TMEM202: variants seen among roughly 807,000 people sequenced by gnomAD.
The protein encoded by TMEM202 is transmembrane protein 202.
TMEM202 carries 25 observed loss-of-function variants against 26.1 expected under a neutral mutation model. The ratio of observed to expected loss-of-function variants is 0.96; its 90% confidence interval spans 0.70 to 1.34. The LOEUF (loss-of-function observed/expected upper bound fraction) is 1.34, where lower values mean the gene tolerates loss of function less well. Ranked by LOEUF, TMEM202 falls within the 40% of genes most tolerant of loss-of-function variation. The pLI, the probability that TMEM202 is intolerant of heterozygous loss-of-function variation, is 0.00. For missense variants in TMEM202, 301 were observed against 327.7 expected, an observed-to-expected ratio of 0.92 and a Z score of 0.63; for synonymous variants, 122 against 119.0, an observed-to-expected ratio of 1.02 and a Z score of -0.16.
intron 2 of TMEM202, among the ~76,000 whole-genome samples, chr15:72,404,928 A>G (rs2063564228): frequency 6.6e-6 from 1 of 152,136 alleles, no homozygotes; most frequent in Non-Finnish European, 1.5e-5. Context: ...GGCTACATAT[A>G]CTGCTAATTC....
intron 3 of TMEM202, 127 bp from the exon 4 acceptor site, chr15:72,406,959 G>C (rs1176124144): frequency 1.6e-5 from 21 of 1,349,670 alleles, no homozygotes; most frequent in Non-Finnish European, 2.0e-5. Flanking sequence ...ATCTTGGTCA[G>C]TCCCCAGGTT....
intron 2 of TMEM202, among the ~76,000 whole-genome samples, chr15:72,401,081 T>C (rs2140356276): frequency 6.6e-6 from 1 of 152,326 alleles, no homozygotes; most frequent in South Asian, 2.1e-4. Flanking sequence ...TCACTTTTGT[T>C]GCCATCTTGG....
intron 2 of TMEM202, 71 bp from the exon 3 acceptor site, chr15:72,406,531 C>G: frequency 1.6e-6 from 2 of 1,287,700 alleles, no homozygotes; most frequent in Non-Finnish European, 2.2e-6. Flanking sequence ...CTCTAAGACT[C>G]TATCTGGCCT....
At chr15:72,403,439 C>T (rs948418173) in intron 2 of TMEM202, among the ~76,000 whole-genome samples, 5 of 152,164 alleles carry the variant, frequency 3.3e-5, no homozygotes, top group Non-Finnish European at 7.3e-5. Context: ...CTTAAGTCTG[C>T]ATCAAAGTAT....
At chr15:72,405,008 G>C (rs2063564598) in intron 2 of TMEM202, among the ~76,000 whole-genome samples, 1 of 152,162 alleles carries the variant, frequency 6.6e-6, no homozygotes, top group Non-Finnish European at 1.5e-5. Context: ...CACTTGTTAG[G>C]GCTACAGAGC....
intron 4 of TMEM202, among the ~76,000 whole-genome samples, 179 bp downstream of exon 4, chr15:72,407,396 A>G (rs910938581): frequency 6.6e-6 from 1 of 152,188 alleles, no homozygotes; most frequent in Non-Finnish European, 1.5e-5. Flanking sequence ...ACCTAGCATT[A>G]GTAACCTGCT....
intron 2 of TMEM202, among the ~76,000 whole-genome samples, chr15:72,400,215 C>A (rs965158433): frequency 1.3e-5 from 2 of 152,124 alleles, no homozygotes; most frequent in African/African-American, 4.8e-5. Context: ...TCTTTTTGAA[C>A]AGACATGCAC....
intron 2 of TMEM202, among the ~76,000 whole-genome samples, chr15:72,399,274 C>T (rs1304040364): frequency 6.6e-6 from 1 of 152,204 alleles, no homozygotes; most frequent in Admixed American, 6.5e-5. Context: ...GTAGGTGGAA[C>T]TACAGATGTG....
chr15:72,398,935 A>G (rs748120118), intron 2 of TMEM202, 27 bp downstream of exon 2: 2 of 1,593,400 alleles, frequency 1.3e-6, no homozygotes, highest in South Asian at 1.1e-5. Flanking sequence ...TAAATGCCAC[A>G]GGCCCCACAC....
Position 72,407,224 on chromosome 15 carries a change from C to A in TMEM202, c.619+7C>A. 6.2e-7 allele frequency: 1 copy of A among 1,613,078 alleles called. No homozygotes were observed. The highest frequency in any genetic ancestry group is 1.1e-5 in the South Asian group (1 of 90,884). ...ATCTTTTACATGTTTGCTGGTGAGT[C>A]ACTTCCCTGCTCTATGCTAGAAGGA... On this transcript the variant is annotated splice_region_variant and intron_variant, in intron 4 of 4. Coordinates refer to ENST00000341689, the MANE Select transcript of TMEM202 (RefSeq NM_001080462.3).
intron 2 of TMEM202, among the ~76,000 whole-genome samples, chr15:72,401,797 T>G (rs2063548747): frequency 6.6e-6 from 1 of 152,112 alleles, no homozygotes; most frequent in African/African-American, 2.4e-5. Context: ...AAATCAAGTA[T>G]CCACCCTATT....
At chr15:72,404,941 C>T (rs1395821657) in intron 2 of TMEM202, among the ~76,000 whole-genome samples, 1 of 152,198 alleles carries the variant, frequency 6.6e-6, no homozygotes, top group African/African-American at 2.4e-5. Flanking sequence ...GCTAATTCTG[C>T]ATAACCCAGT....
chr15:72,402,164 C>T (rs2063550453), intron 2 of TMEM202, among the ~76,000 whole-genome samples: 1 of 152,060 alleles, frequency 6.6e-6, no homozygotes, highest in Non-Finnish European at 1.5e-5. Flanking sequence ...TGGGGTTTCA[C>T]CATGTTAGCC....
intron 2 of TMEM202, among the ~76,000 whole-genome samples, chr15:72,403,392 T>G (rs1008474123): frequency 1.3e-5 from 2 of 152,186 alleles, no homozygotes; most frequent in African/African-American, 4.8e-5. Flanking sequence ...GGTATTAGTT[T>G]CAGTAAGCTG....
intron 2 of TMEM202, among the ~76,000 whole-genome samples, chr15:72,402,822 C>T (rs1472775331): frequency 6.6e-6 from 1 of 152,072 alleles, no homozygotes; most frequent in Non-Finnish European, 1.5e-5. Context: ...GGCACTCCAA[C>T]TGGGTTACGA....
At chr15:72,404,369 C>A (rs1812176504) in intron 2 of TMEM202, among the ~76,000 whole-genome samples, 1 of 151,986 alleles carries the variant, frequency 6.6e-6, no homozygotes, top group Admixed American at 6.6e-5. Context: ...GAGTAGAGAT[C>A]ATGCTACTGC....
chr15:72,403,582 T>C (rs576586649), intron 2 of TMEM202, among the ~76,000 whole-genome samples: 5 of 152,326 alleles, frequency 3.3e-5, no homozygotes, highest in Admixed American at 3.3e-4. Flanking sequence ...CAGAGCCTTT[T>C]GTGATTTAGA....
chr15:72,398,975 G>A, intron 2 of TMEM202, 67 bp downstream of exon 2: 1 of 1,542,940 alleles, frequency 6.5e-7, no homozygotes, highest in South Asian at 1.2e-5. Context: ...CACACAAATT[G>A]GCCCTTCATG....
At chr15:72,405,560 A>G (rs1277463060) in intron 2 of TMEM202, among the ~76,000 whole-genome samples, 3 of 152,178 alleles carry the variant, frequency 2.0e-5, no homozygotes, top group African/African-American at 7.2e-5. Context: ...TGGCACTTGG[A>G]TAAGAGCAAC....
Sources: allele counts gnomAD v4.1 joint callset (sites outside exome capture counted in the v4.1 genomes callset), GRCh38; gene constraint gnomAD v4.1.1; transcripts MANE v1.5; gene names NCBI Gene and HGNC (gene_info 2026-07-23, HGNC 2026-07-21).